The following LEMD3 variants were observed in gnomAD, a reference collection of about 807,000 sequenced individuals.
LEMD3 encodes inner nuclear membrane protein Man1.
A neutral mutation model predicts 95.2 loss-of-function variants in LEMD3; 33 were observed. That is an observed-to-expected ratio of 0.35 (90% CI 0.26 to 0.46). The LOEUF is 0.46. LEMD3 is among the 20% of genes least tolerant of loss of function. LEMD3 has a pLI of 1.00. For missense variants in LEMD3, 1,210 were observed against 1,192.8 expected (o/e 1.01, Z -0.21); for synonymous variants, 525 against 474.6 (o/e 1.11, Z -1.38).
At chr12:65,224,057 A>C (rs1301160951) in intron 4 of LEMD3, among the ~76,000 whole-genome samples, 1 of 151,922 alleles carries the variant, frequency 6.6e-6, no homozygotes, top group Non-Finnish European at 1.5e-5. Flanking sequence ...ACATCTTTTC[A>C]TATTGTGTAT....
intron 1 of LEMD3, among the ~76,000 whole-genome samples, chr12:65,183,563 TAGAC>T (rs771997557): frequency 2.0e-5 from 3 of 152,180 alleles, no homozygotes; most frequent in Non-Finnish European, 4.4e-5. Context: ...ATTTTAGACA[TAGAC>T]AGTGAGGTAT....
Position 65,170,201 on chromosome 12 carries a change from C to A in LEMD3, c.605C>A (p.Pro202Gln), listed in dbSNP as rs868329396. 2 of 1,492,316 alleles carry A rather than the reference C, an allele frequency of 1.3e-6. No homozygotes were observed. Among genetic ancestry groups the A allele is most frequent in the East Asian group, 4.8e-5 (2 of 41,788 alleles). The allele number at this position is 1,492,316 out of a possible 1,614,324, so 92.4% of individuals were successfully genotyped here. ...KPHSWWGARRPAGPELQTPPG... is the reference protein window; with the variant it reads ...KPHSWWGARRQAGPELQTPPG... ...CACTCGTGGTGGGGGGCCAGGAGGCCGGCGGGCCCCGAGCTGCAGACCCCG... is the reference window on the plus strand; with the variant it reads ...CACTCGTGGTGGGGGGCCAGGAGGCAGGCGGGCCCCGAGCTGCAGACCCCG... The change falls in exon 1 of 13, where the codon CCG (proline) becomes CAG (glutamine). Residue 202 changes from proline to glutamine, a missense_variant. Pro to Gln is a moderately conservative substitution (Grantham distance 76). This residue lies in a region of LEMD3 where 749 missense variants were observed against 622.9 expected (regional missense o/e 1.20). Transcript: ENST00000308330.
intron 1 of LEMD3, among the ~76,000 whole-genome samples, chr12:65,178,671 C>G (rs933534966): frequency 2.6e-5 from 4 of 152,054 alleles, no homozygotes; most frequent in African/African-American, 9.7e-5. Context: ...TTATTTAATC[C>G]TTATGAGGTA....
chr12:65,203,976 A>G (rs1869684061), intron 1 of LEMD3, among the ~76,000 whole-genome samples: 1 of 152,132 alleles, frequency 6.6e-6, no homozygotes, highest in South Asian at 2.1e-4. Context: ...TAGTGTTAGC[A>G]TGGTATAACT....
At chr12:65,196,685 T>A (rs754879056) in intron 1 of LEMD3, among the ~76,000 whole-genome samples, 1 of 151,450 alleles carries the variant, frequency 6.6e-6, no homozygotes, top group Non-Finnish European at 1.5e-5. Flanking sequence ...TCGGAAATGC[T>A]CATAGTCAAG....
chr12:65,226,623 T>C (rs1203509960), intron 4 of LEMD3, among the ~76,000 whole-genome samples: 2 of 152,306 alleles, frequency 1.3e-5, no homozygotes, highest in Non-Finnish European at 1.5e-5. Context: ...ATGCATGACT[T>C]ATATGTAGGT....
At chr12:65,187,502 C>G (rs550299360) in intron 1 of LEMD3, among the ~76,000 whole-genome samples, 1 of 151,988 alleles carries the variant, frequency 6.6e-6, no homozygotes, top group Non-Finnish European at 1.5e-5. Context: ...CTGACTCCCA[C>G]TATGGGATCT....
chr12:65,213,555 T>C (rs551391169), intron 2 of LEMD3, among the ~76,000 whole-genome samples: 81 of 152,318 alleles, frequency 5.3e-4, no homozygotes, highest in African/African-American at 1.9e-3. Context: ...AAGATAATTC[T>C]TGTAAAAAAC....
chr12:65,232,230 T>C (rs1870651350), intron 4 of LEMD3, among the ~76,000 whole-genome samples: 2 of 152,146 alleles, frequency 1.3e-5, no homozygotes, highest in Admixed American at 1.3e-4. Context: ...ACAAAGTTGA[T>C]ATCAAACAAG....
intron 4 of LEMD3, among the ~76,000 whole-genome samples, chr12:65,230,095 C>T (rs1316835817): frequency 1.3e-5 from 2 of 152,110 alleles, no homozygotes; most frequent in African/African-American, 2.4e-5. Flanking sequence ...GCACCTATGT[C>T]GAAAATCAGT....
At position 65,238,557 on chromosome 12, in the gene LEMD3, A is replaced by G. The variant is rs762043417; in HGVS notation, c.1751A>G (p.Glu584Gly). 9.3e-6 allele frequency: 15 copies of G among 1,612,434 alleles called. No homozygotes were observed. In the African/African-American group the frequency reaches 1.9e-4, roughly 20 times the overall value. The change falls in exon 5 of 13, where the codon GAA (glutamate) becomes GGA (glycine). Residue 584 changes from glutamate to glycine, a missense_variant. Coordinates refer to ENST00000308330, the MANE Select transcript of LEMD3 (RefSeq NM_014319.5). ...IFNTSLQWIL[E>G]NGKDVGIRCV... is the part of the protein sequence containing the mutation. ...AACACTTCATTGCAGTGGATCTTAG[A>G]AAATGGAAAAGATGTTGGAATAAGG...
intron 1 of LEMD3, among the ~76,000 whole-genome samples, chr12:65,177,079 G>A (rs932872976): frequency 6.6e-6 from 1 of 152,178 alleles, no homozygotes; most frequent in Admixed American, 6.5e-5. Flanking sequence ...TAAAAGGGGA[G>A]AATTCACTGT....
chr12:65,200,139 C>T lies in LEMD3; in HGVS notation c.1523-10787C>T, dbSNP rs140568572. ...TCCTGCAACTGATCAGACTGGTCAC[C>T]GGCCTAGTCTTCATTTGCATAAAGA... On this transcript the variant is annotated intron_variant, in intron 1 of 12. Transcript: ENST00000308330. Among the ~76,000 whole-genome samples, 306 of 152,026 alleles carry T rather than the reference C, an allele frequency of 2.0e-3. 7 individuals carry two copies. In the East Asian group the frequency reaches 0.045, roughly 23 times the overall value.
intron 1 of LEMD3, among the ~76,000 whole-genome samples, chr12:65,173,029 C>T (rs1237677455): frequency 1.3e-5 from 2 of 152,260 alleles, no homozygotes; most frequent in Middle Eastern, 3.4e-3. Context: ...GTGGTATCCT[C>T]ATTTTTGGAT....
chr12:65,233,146 A>G (rs1473797324), intron 4 of LEMD3, among the ~76,000 whole-genome samples: 1 of 152,158 alleles, frequency 6.6e-6, no homozygotes, highest in Non-Finnish European at 1.5e-5. Context: ...AAACTAAACC[A>G]TAGAGGGGCT....
intron 1 of LEMD3, among the ~76,000 whole-genome samples, chr12:65,181,105 T>C (rs938245795): frequency 2.0e-5 from 3 of 152,128 alleles, no homozygotes; most frequent in Admixed American, 6.5e-5. Context: ...TTTCAAAGCA[T>C]ATGAAGAGGA....
In LEMD3 at chr12:65,170,159, C is replaced by T. The variant is rs1336128405; in HGVS notation, c.563C>T (p.Ala188Val). The T allele has an allele frequency of 6.7e-7, 1 of 1,488,362 alleles. No homozygotes were observed. The highest frequency in any genetic ancestry group is 2.3e-5 in the East Asian group (1 of 42,592). The allele number at this position is 1,488,362 out of a possible 1,614,324, so 92.2% of individuals were successfully genotyped here. A position where few individuals can be genotyped will look rare whatever the true frequency, so the allele number is the denominator to read the frequency against. The change falls in exon 1 of 13, where the codon GCA becomes GTA. Residue 188 changes from alanine (A) to valine (V), a missense_variant. By Grantham distance (64) the Ala-to-Val change is moderately conservative. Coordinates refer to ENST00000308330, the MANE Select transcript of LEMD3 (RefSeq NM_014319.5). ...AGCGAGGTGACTAACAGCAACTCTG[C>T]AGAGCGAAGGAAGCCCCACTCGTGG... ...AASEVTNSNS[A>V]ERRKPHSWWG...
intron 4 of LEMD3, among the ~76,000 whole-genome samples, chr12:65,225,512 GATCCCTGGTATCTGTAGGTT>G (rs1344217096): frequency 6.6e-6 from 1 of 152,080 alleles, no homozygotes; most frequent in Non-Finnish European, 1.5e-5. Context: ...ATAATCTTTT[GATCCCTGGTATCTGTAGGTT>G]ATCCCTGGTG....
chr12:65,185,211 T>A (rs1382372631), intron 1 of LEMD3, among the ~76,000 whole-genome samples: 1 of 152,158 alleles, frequency 6.6e-6, no homozygotes, highest in Non-Finnish European at 1.5e-5. Flanking sequence ...ATAAAAATTG[T>A]ATGATTTTAT....
Sources: allele counts gnomAD v4.1 joint callset (sites outside exome capture counted in the v4.1 genomes callset), GRCh38; gene constraint gnomAD v4.1.1; regional missense constraint gnomAD v4.1.1; transcripts MANE v1.5; gene names NCBI Gene and HGNC (gene_info 2026-07-23, HGNC 2026-07-21).